Variants in SRGAP2 observed in about 807,000 individuals in gnomAD.
SRGAP2 encodes the protein SLIT-ROBO Rho GTPase-activating protein 2.
A neutral mutation model predicts 57.2 loss-of-function variants in SRGAP2; 15 were observed. The ratio of observed to expected loss-of-function variants is 0.26; its 90% CI spans 0.18 to 0.40. SRGAP2 has a LOEUF of 0.40. SRGAP2 is among the 10% of genes least tolerant of loss of function. The probability of loss-of-function intolerance (pLI) is 1.00; values close to 1 mark genes in which losing one functional copy is unlikely to be tolerated. For synonymous variants in SRGAP2, 249 were observed against 248.0 expected (o/e 1.00, Z -0.04); for missense variants, 520 against 669.6 (o/e 0.78, Z 2.47).
chr1:206,244,811 A>ATT (rs1181681708), intron 2 of SRGAP2, among the ~76,000 whole-genome samples: 1 of 148,702 alleles, frequency 6.7e-6, no homozygotes, highest in African/African-American at 2.5e-5. Flanking sequence ...AAGAAAAGAC[A>ATT]TTTTTTTTTT....
At position 206,461,626 on chromosome 1, in the gene SRGAP2, T is replaced by C. The variant is rs1391706765; in HGVS notation, c.*206T>C. 2 of 561,826 alleles carry C rather than the reference T, an allele frequency of 3.6e-6. No homozygotes were observed. Among genetic ancestry groups the C allele is most frequent in the Non-Finnish European group, 6.3e-6 (2 of 317,816 alleles). The allele number at this position is 561,826 out of a possible 1,614,324, so 34.8% of individuals were successfully genotyped here. ...TCCCACTGCCCTCTGCTTCCCCCAG[T>C]CGTCGTAATTCAGCCAGCTGCAGTC... On this transcript the variant is annotated 3_prime_UTR_variant, in exon 23 of 23. Coordinates refer to ENST00000573034, the MANE Select transcript of SRGAP2 (RefSeq NM_015326.5).
chr1:206,249,659 G>C (rs1430377091), intron 2 of SRGAP2, among the ~76,000 whole-genome samples: 1 of 150,478 alleles, frequency 6.6e-6, no homozygotes, highest in Non-Finnish European at 1.5e-5. Context: ...GGGTTGATGG[G>C]GGCAGCAAAC....
chr1:206,299,768 A>C (rs1310809013), intron 2 of SRGAP2, among the ~76,000 whole-genome samples: 24 of 151,998 alleles, frequency 1.6e-4, no homozygotes, highest in South Asian at 6.2e-4. Flanking sequence ...GATGGTAACA[A>C]GGGAGGCATC....
chr1:206,453,457 A>T (rs191029941), intron 20 of SRGAP2, 77 bp downstream of exon 20: 5 of 487,508 alleles, frequency 1.0e-5, no homozygotes, highest in East Asian at 3.5e-5. Flanking sequence ...CTGGAGCCAT[A>T]GGACTATGAG....
At chr1:206,318,980 C>T (rs1237374807) in intron 3 of SRGAP2, among the ~76,000 whole-genome samples, 5 of 152,090 alleles carry the variant, frequency 3.3e-5, no homozygotes, top group African/African-American at 1.2e-4. Context: ...CACACAGGTG[C>T]ACTTCCCTTA....
chr1:206,352,758 G>A (rs1676127889), intron 4 of SRGAP2, among the ~76,000 whole-genome samples: 1 of 148,734 alleles, frequency 6.7e-6, no homozygotes, highest in South Asian at 2.1e-4. Context: ...TGAGAAATCA[G>A]CTGTGGTTCT....
intron 10 of SRGAP2, among the ~76,000 whole-genome samples, chr1:206,415,179 A>G (rs1659579132): frequency 6.6e-6 from 1 of 152,244 alleles, no homozygotes; most frequent in Non-Finnish European, 1.5e-5. Context: ...CTCACTGGGC[A>G]GACGAGGGTT....
Position 206,416,232 on chromosome 1 carries a change from C to CA in SRGAP2, c.1441+260dup, listed in dbSNP as rs374037228. Among the ~76,000 whole-genome samples the CA allele has an allele frequency of 1.4e-3, 208 of 152,314 alleles. 1 individual carries two copies. Among genetic ancestry groups the CA allele is most frequent in the African/African-American group, 5.0e-3 (206 of 41,578 alleles). On this transcript the variant is annotated intron_variant, in intron 11 of 22. Coordinates refer to ENST00000573034, the MANE Select transcript of SRGAP2 (RefSeq NM_015326.5). Reference sequence around the variant, plus strand: ...GTGCCTGCTCTCCACCCAGTCCCTCCACCCTCGCCTCCTCTGCCACGACTA... The same window carrying CA: ...GTGCCTGCTCTCCACCCAGTCCCTCCAACCCTCGCCTCCTCTGCCACGACTA...
chr1:206,253,548 CTCTTTCTTTCTCTTT>C lies in SRGAP2; in HGVS notation c.67+47523_67+47537del. Among the ~76,000 whole-genome samples, 3 of 150,162 alleles carry C rather than the reference CTCTTTCTTTCTCTTT, an allele frequency of 2.0e-5. No individual in the cohort carries two copies. In the South Asian group the frequency reaches 6.4e-4, roughly 32 times the overall value. On this transcript the variant is annotated intron_variant, in intron 2 of 22. Coordinates refer to ENST00000573034, the MANE Select transcript of SRGAP2 (RefSeq NM_015326.5). ...CTCCCTCACTTCCTTCACTCTCTCT[CTCTTTCTTTCTCTTT>C]TCTTTCTTTCTTTTTTTTTTTTTTT...
intron 2 of SRGAP2, among the ~76,000 whole-genome samples, chr1:206,295,356 T>C (rs1156549673): frequency 5.3e-5 from 8 of 152,190 alleles, no homozygotes; most frequent in Non-Finnish European, 8.8e-5. Context: ...CCCAAGTAGC[T>C]AGGATTACAG....
chr1:206,427,448 G>A (rs782268973), intron 13 of SRGAP2, among the ~76,000 whole-genome samples: 11 of 152,150 alleles, frequency 7.2e-5, no homozygotes, highest in Admixed American at 3.9e-4. Flanking sequence ...CATTTGGGTC[G>A]CTGCGACCGT....
intron 2 of SRGAP2, among the ~76,000 whole-genome samples, chr1:206,278,013 G>C (rs1193917920): frequency 6.6e-5 from 10 of 151,320 alleles, no homozygotes; most frequent in African/African-American, 2.4e-4. Flanking sequence ...AGTAGAAGAC[G>C]CTTTTTTTCT....
chr1:206,413,737 A>G (rs1485476010), intron 10 of SRGAP2, among the ~76,000 whole-genome samples: 3 of 152,146 alleles, frequency 2.0e-5, no homozygotes, highest in Non-Finnish European at 4.4e-5. Context: ...ATAATGAATG[A>G]CATGGTCTCT....
intron 4 of SRGAP2, among the ~76,000 whole-genome samples, chr1:206,344,760 T>G (rs1170400168): frequency 6.6e-6 from 1 of 151,174 alleles, no homozygotes. Context: ...GGCAGCCAGA[T>G]AGCAAAGTCA....
chr1:206,453,522 A>AAG (rs1663526920), intron 20 of SRGAP2, 142 bp downstream of exon 20: 2 of 418,994 alleles, frequency 4.8e-6, no homozygotes, highest in Non-Finnish European at 8.7e-6. Flanking sequence ...CAGTTCCTTG[A>AAG]AGAGCACCCC....
chr1:206,253,146 T>G (rs1481119036), intron 2 of SRGAP2, among the ~76,000 whole-genome samples: 1 of 150,576 alleles, frequency 6.6e-6, no homozygotes, highest in Non-Finnish European at 1.5e-5. Context: ...TCTGTCTGGA[T>G]ACTCACAGCT....
chr1:206,226,922 G>C (rs1553305637), intron 2 of SRGAP2, among the ~76,000 whole-genome samples: 2 of 150,784 alleles, frequency 1.3e-5, no homozygotes, highest in South Asian at 2.1e-4. Context: ...CAGTGACTTG[G>C]GTAGGGTAGA....
At position 206,284,107 on chromosome 1, in the gene SRGAP2, G is replaced by A. The variant is rs1196885444; in HGVS notation, c.68-19174G>A. ...TTGCATTTCACACTCTAGAATGACT[G>A]CTTCTTACATGTAATTTTTAAGTTT... On this transcript the variant is annotated intron_variant, in intron 2 of 22. Coordinates refer to ENST00000573034, the MANE Select transcript of SRGAP2 (RefSeq NM_015326.5). Among the ~76,000 whole-genome samples the A allele has an allele frequency of 6.5e-3, 995 of 152,008 alleles. 12 individuals carry two copies. Among genetic ancestry groups the A allele is most frequent in the African/African-American group, 0.023 (963 of 41,404 alleles).
At chr1:206,441,242 T>C (rs1199057116) in intron 17 of SRGAP2, among the ~76,000 whole-genome samples, 1 of 152,138 alleles carries the variant, frequency 6.6e-6, no homozygotes, top group South Asian at 2.1e-4. Context: ...TTTTGAACAA[T>C]TGGACCTAGG....
Sources: allele counts gnomAD v4.1 joint callset (sites outside exome capture counted in the v4.1 genomes callset), GRCh38; gene constraint gnomAD v4.1.1; transcripts MANE v1.5; gene names NCBI Gene and HGNC (gene_info 2026-07-23, HGNC 2026-07-21).